Variants in DCAF5 observed in about 807,000 individuals in gnomAD.
The protein encoded by DCAF5 is DDB1- and CUL4-associated factor 5.
DCAF5 carries 9 observed loss-of-function variants against 80.7 expected under a neutral mutation model. The observed-to-expected ratio is 0.11, with a 90% CI of 0.07 to 0.19. The LOEUF (loss-of-function observed/expected upper bound fraction) is 0.19, where lower values mean the gene tolerates loss of function less well. DCAF5 is among the 10% of genes least tolerant of loss of function. DCAF5 has a pLI of 1.00. For synonymous variants in DCAF5, 433 were observed against 461.9 expected (o/e 0.94, Z 0.80); for missense variants, 842 against 1,205.7 (o/e 0.70, Z 4.47).
At chr14:69,112,123 C>T (rs1054838543) in intron 5 of DCAF5, among the ~76,000 whole-genome samples, 3 of 152,170 alleles carry the variant, frequency 2.0e-5, no homozygotes, top group Non-Finnish European at 4.4e-5. Flanking sequence ...TCTAGTATAT[C>T]AGGTAGACCA....
intron 1 of DCAF5, among the ~76,000 whole-genome samples, chr14:69,133,558 G>T (rs945818616): frequency 6.6e-6 from 1 of 152,044 alleles, no homozygotes; most frequent in Non-Finnish European, 1.5e-5. Flanking sequence ...AAGAGGCGGG[G>T]GTACAGGCAG....
chr14:69,096,037 A>G (rs533720430), intron 5 of DCAF5, among the ~76,000 whole-genome samples: 50 of 152,296 alleles, frequency 3.3e-4, no homozygotes, highest in Admixed American at 1.0e-3. Flanking sequence ...ATCTATAAGG[A>G]ATATGGGATG....
intron 6 of DCAF5, among the ~76,000 whole-genome samples, chr14:69,080,255 G>A (rs905080299): frequency 5.3e-5 from 8 of 152,038 alleles, no homozygotes; most frequent in Admixed American, 2.0e-4. Context: ...CTGGACTCAG[G>A]CTGGTTGGGG....
In DCAF5 at chr14:69,149,139, A is replaced by G. The variant is rs143141789; in HGVS notation, c.214+3626T>C. On this transcript the variant is annotated intron_variant, in intron 1 of 8. Transcript: ENST00000341516. ...ACCCAACCTATACTTTAACTAACAT[A>G]GTTCTCACAACAAGCCCCTCAGGTA... Among the ~76,000 whole-genome samples the G allele has an allele frequency of 5.0e-3, 763 of 152,354 alleles. 19 individuals are homozygous for G. Among genetic ancestry groups the G allele is most frequent in the Admixed American group, 0.047 (717 of 15,304 alleles).
At chr14:69,108,628 T>TA (rs1458801465) in intron 5 of DCAF5, among the ~76,000 whole-genome samples, 3 of 151,908 alleles carry the variant, frequency 2.0e-5, no homozygotes, top group Non-Finnish European at 4.4e-5. Flanking sequence ...ATGACAATAA[T>TA]AAAAAAACAA....
At chr14:69,094,808 A>G (rs2139980113) in intron 5 of DCAF5, among the ~76,000 whole-genome samples, 1 of 152,290 alleles carries the variant, frequency 6.6e-6, no homozygotes, top group Admixed American at 6.5e-5. Context: ...GATTCTCAGG[A>G]TTCCCACCCC....
At chr14:69,077,872 A>C (rs1224379224) in intron 6 of DCAF5, among the ~76,000 whole-genome samples, 1 of 152,210 alleles carries the variant, frequency 6.6e-6, no homozygotes, top group Non-Finnish European at 1.5e-5. Flanking sequence ...GGTGGGTTTA[A>C]AGATGAAGAA....
At chr14:69,133,919 T>C (rs554473498) in intron 1 of DCAF5, among the ~76,000 whole-genome samples, 1 of 152,314 alleles carries the variant, frequency 6.6e-6, no homozygotes, top group African/African-American at 2.4e-5. Context: ...CAAAATCAGA[T>C]GACTAATAGC....
At chr14:69,058,240 C>T (rs992585194) in intron 8 of DCAF5, among the ~76,000 whole-genome samples, 6 of 152,186 alleles carry the variant, frequency 3.9e-5, no homozygotes, top group East Asian at 1.9e-4. Flanking sequence ...ATGTGGCAGC[C>T]GGGCGTGGTG....
intron 5 of DCAF5, among the ~76,000 whole-genome samples, chr14:69,100,684 A>C (rs768287565): frequency 6.6e-6 from 1 of 152,256 alleles, no homozygotes; most frequent in Non-Finnish European, 1.5e-5. Flanking sequence ...TGGGAAAGTT[A>C]AGTGATCAGA....
chr14:69,073,358 C>T (rs1486152075), intron 7 of DCAF5, among the ~76,000 whole-genome samples: 3 of 152,108 alleles, frequency 2.0e-5, no homozygotes, highest in Admixed American at 2.0e-4. Flanking sequence ...ACCAAACCTG[C>T]CAGCACCTTG....
At chr14:69,146,467 T>C (rs1435514939) in intron 1 of DCAF5, among the ~76,000 whole-genome samples, 1 of 152,200 alleles carries the variant, frequency 6.6e-6, no homozygotes, top group Non-Finnish European at 1.5e-5. Context: ...CTTTATAATT[T>C]ATCATAGCAA....
chr14:69,127,429 T>C (rs1255289867), intron 1 of DCAF5, among the ~76,000 whole-genome samples: 1 of 152,190 alleles, frequency 6.6e-6, no homozygotes, highest in Non-Finnish European at 1.5e-5. Context: ...TATGATACTC[T>C]GGAAAAGACA....
At chr14:69,117,758 C>T (rs1222006258) in intron 4 of DCAF5, among the ~76,000 whole-genome samples, 3 of 152,164 alleles carry the variant, frequency 2.0e-5, no homozygotes, top group Admixed American at 1.3e-4. Flanking sequence ...ATTTGAGATT[C>T]GGTGGTTCTT....
rs769501663 is a variant in DCAF5, at chr14:69,152,985, A to ACCGCCG, written c.-13_-8dup. The ACCGCCG allele has an allele frequency of 1.3e-5, 20 of 1,544,012 alleles. No individual in the cohort carries two copies. Among genetic ancestry groups the ACCGCCG allele is most frequent in the East Asian group, 2.5e-5 (1 of 39,668 alleles). On this transcript the variant is annotated 5_prime_UTR_variant, in exon 1 of 9. Transcript: ENST00000341516. The surrounding 1 kb of genome is among the most constrained non-coding windows in gnomAD (Gnocchi z 4.1). Reference sequence around the variant, plus strand: ...GGCCAGCTCTCCTCTTCATGCTGGAACCGCCGCCGCCGCCGCTCGCGCCGC... The same window carrying ACCGCCG: ...GGCCAGCTCTCCTCTTCATGCTGGAACCGCCGCCGCCGCCGCCGCCGCTCGCGCCGC...
intron 6 of DCAF5, chr14:69,090,319 G>T: frequency 6.1e-6 from 1 of 164,084 alleles, no homozygotes; most frequent in Non-Finnish European, 1.3e-5. Flanking sequence ...CAAATTCCCT[G>T]CAGTGCCATA....
At chr14:69,129,117 A>C in intron 1 of DCAF5, among the ~76,000 whole-genome samples, 1 of 152,190 alleles carries the variant, frequency 6.6e-6, no homozygotes, top group East Asian at 1.9e-4. Flanking sequence ...AGTAATTCAA[A>C]ATTCATGGCT....
Position 69,082,315 on chromosome 14 carries a change from G to A in DCAF5, c.880-6904C>T, listed in dbSNP as rs182430033. ...CCTCCCAATAAAAGCATACAAATAC[G>A]CATACCCATAAGATTAACACTATTT... is the stretch of plus-strand genomic sequence containing the variant. On this transcript the variant is annotated intron_variant, in intron 6 of 8. Coordinates refer to ENST00000341516, the MANE Select transcript of DCAF5 (RefSeq NM_003861.3). Among the ~76,000 whole-genome samples the A allele has an allele frequency of 1.6e-4, 25 of 152,260 alleles. No individual in the cohort carries two copies. The East Asian group carries it at 1.7e-3, about 11-fold the overall frequency.
intron 1 of DCAF5, among the ~76,000 whole-genome samples, chr14:69,135,497 T>C (rs1372674983): frequency 6.6e-6 from 1 of 152,206 alleles, no homozygotes; most frequent in South Asian, 2.1e-4. Flanking sequence ...ATCTATGAGA[T>C]AGTTTGCATT....
Sources: gnomAD v4.1 joint callset for allele counts (sites outside exome capture counted in the v4.1 genomes callset) on GRCh38, gnomAD v4.1.1 for gene constraint, Gnocchi (gnomAD v3.1) non-coding constraint, MANE v1.5 for transcripts, NCBI Gene and HGNC (gene_info 2026-07-23, HGNC 2026-07-21) for gene names.